The following KCNQ2 variants were observed in gnomAD, a reference collection of about 807,000 sequenced individuals.
KCNQ2 encodes the protein potassium voltage-gated channel subfamily Q member 2.
In KCNQ2, 14 loss-of-function variants were observed where a neutral mutation model predicts 84.8. The ratio of observed to expected loss-of-function variants is 0.17; its 90% CI spans 0.11 to 0.26. The LOEUF (loss-of-function observed/expected upper bound fraction) is 0.26. Among genes scored for constraint, KCNQ2 ranks in the 10% least tolerant of loss-of-function variants. KCNQ2 has a pLI of 1.00. For missense variants in KCNQ2, 788 were observed against 1,254.0 expected (o/e 0.63, Z 5.61); for synonymous variants, 599 against 554.1 (o/e 1.08, Z -1.14).
Position 63,408,584 on chromosome 20 carries a change from G to A in KCNQ2, c.1764-48C>T, listed in dbSNP as rs1172687713. ...AGCATGAGTTCGGGTGGGTGCAGCA[G>A]GGCCCCTGCCCTCTCCTCCTGGACC... On this transcript the variant is annotated intron_variant, in intron 15 of 16. Coordinates refer to ENST00000359125, the MANE Select transcript of KCNQ2 (RefSeq NM_172107.4). The surrounding 1 kb of genome is among the most constrained non-coding windows in gnomAD (Gnocchi z 5.0). 1 of 1,601,180 alleles carries A rather than the reference G, an allele frequency of 6.2e-7. No homozygotes were observed. The highest frequency in any genetic ancestry group is 8.5e-7 in the Non-Finnish European group (1 of 1,176,100).
chr20:63,438,389 G>C lies in KCNQ2; in HGVS notation c.1023+236C>G. The C allele has an allele frequency of 5.0e-6, 3 of 600,534 alleles. No homozygotes were observed. Among genetic ancestry groups the C allele is most frequent in the Non-Finnish European group, 9.0e-6 (3 of 332,526 alleles). The allele number at this position is 600,534 out of a possible 1,614,324, so 37.2% of individuals were successfully genotyped here. On this transcript the variant is annotated intron_variant, in intron 7 of 16. Transcript: ENST00000359125. This position sits in a 1 kb window ranked among gnomAD's most constrained non-coding sequence, Gnocchi z 5.1. ...TGGCCGGGCCCCAGCACCCACACAA[G>C]GCAAGGGCCACCCCAGCGTCCTCAC... is the stretch of plus-strand genomic sequence containing the variant.
At chr20:63,439,535 G>C (rs1682427416) in intron 6 of KCNQ2, 63 bp downstream of exon 6, 1 of 1,263,362 alleles carries the variant, frequency 7.9e-7, no homozygotes, top group South Asian at 1.2e-5. Flanking sequence ...GGGGCCTGTG[G>C]TCACCTCGGG....
intron 15 of KCNQ2, among the ~76,000 whole-genome samples, chr20:63,409,321 A>ATG (rs916784705): frequency 1.3e-5 from 2 of 152,214 alleles, no homozygotes; most frequent in African/African-American, 4.8e-5. Context: ...GCGTGTGTGC[A>ATG]TGTGTGTGTG....
intron 1 of KCNQ2, among the ~76,000 whole-genome samples, chr20:63,454,512 C>T (rs1447762684): frequency 6.6e-6 from 1 of 152,188 alleles, no homozygotes; most frequent in Non-Finnish European, 1.5e-5. Flanking sequence ...GCTCCAGGCC[C>T]CAGGACAGAC....
In KCNQ2 at chr20:63,472,444, T is replaced by C; in HGVS notation, c.20A>G (p.Asn7Ser). Residue 7 changes from asparagine to serine, a missense_variant, in exon 1 of 17, where the codon AAC (asparagine) becomes AGC (serine). Asn to Ser is a conservative substitution (Grantham distance 46). Coordinates refer to ENST00000359125, the MANE Select transcript of KCNQ2 (RefSeq NM_172107.4). ...GCTCGGGCCGGGGTATACGCCGCCGTTGCGCGACTTCTGCACCATGGTGCC... is the reference window on the plus strand; with the variant it reads ...GCTCGGGCCGGGGTATACGCCGCCGCTGCGCGACTTCTGCACCATGGTGCC... MVQKSR[N>S]GGVYPGPSGE... The C allele has an allele frequency of 6.5e-7, 1 of 1,532,356 alleles. No individual in the cohort carries two copies. The allele number at this position is 1,532,356 out of a possible 1,614,324, so 94.9% of individuals were successfully genotyped here.
rs980574000 is a variant in KCNQ2 at position 63,407,098 on chromosome 20, C to T, written c.2165G>A (p.Ser722Asn). 2 of 1,538,800 alleles carry T rather than the reference C, an allele frequency of 1.3e-6. No homozygotes were observed. The highest frequency in any genetic ancestry group is 1.7e-6 in the Non-Finnish European group (2 of 1,144,564). The change falls in exon 17 of 17, where the codon AGC becomes AAC. Residue 722 changes from serine to asparagine, a missense_variant. Ser to Asn is a conservative substitution (Grantham distance 46). Coordinates refer to ENST00000359125, the MANE Select transcript of KCNQ2 (RefSeq NM_172107.4). The surrounding 1 kb of genome is among the most constrained non-coding windows in gnomAD (Gnocchi z 7.2). Reference protein sequence around the residue: ...CPPSTSWQPQSHPRQGHGTSP... With the variant: ...CPPSTSWQPQNHPRQGHGTSP... ...GGTGCCGTGGCCCTGGCGCGGGTGG[C>T]TCTGTGGCTGCCAGGAGGTGGAGGG... is the stretch of plus-strand genomic sequence containing the variant.
chr20:63,421,287 CGAGAGTGAAT>C (rs142061373), intron 11 of KCNQ2, among the ~76,000 whole-genome samples: 9,922 of 152,296 alleles, frequency 0.065, 472 homozygotes, highest in Admixed American at 0.13. Context: ...ACCTGAGACT[CGAGAGTGAAT>C]CTCTAACCGT....
In KCNQ2 at chr20:63,405,229, C is replaced by A. The variant is rs1483995093; in HGVS notation, c.*1415G>T. 6.6e-6 allele frequency: 1 copy of A among 152,270 alleles called. No homozygotes were observed. The highest frequency in any genetic ancestry group is 1.9e-4 in the East Asian group (1 of 5,192). 9.4% of individuals were successfully genotyped at this position (152,270 alleles called of 1,614,324 possible). On this transcript the variant is annotated 3_prime_UTR_variant, in exon 17 of 17. Transcript: ENST00000359125. Reference sequence around the variant, plus strand: ...GAGTATTTGCGCCCACGACCCCAGCCCTGCTCACTCCCAGGGAGGCCACTC... The same window carrying A: ...GAGTATTTGCGCCCACGACCCCAGCACTGCTCACTCCCAGGGAGGCCACTC...
intron 10 of KCNQ2, among the ~76,000 whole-genome samples, chr20:63,427,360 A>T (rs1489899942): frequency 6.6e-6 from 1 of 152,262 alleles, no homozygotes; most frequent in Non-Finnish European, 1.5e-5. Flanking sequence ...CCCTTGGCTC[A>T]CCCGGTTCTG....
intron 1 of KCNQ2, among the ~76,000 whole-genome samples, chr20:63,461,964 C>G (rs1383729480): frequency 7.1e-4 from 69 of 96,806 alleles, no homozygotes; most frequent in South Asian, 1.3e-3. Context: ...CTACCCCAGG[C>G]AGCAGGGAGG....
At position 63,408,941 on chromosome 20, in the gene KCNQ2, C is replaced by T. The variant is rs2080030171; in HGVS notation, c.1764-405G>A. Among the ~76,000 whole-genome samples the T allele has an allele frequency of 6.6e-6, 1 of 152,248 alleles. No individual in the cohort carries two copies. The highest frequency in any genetic ancestry group is 1.9e-4 in the East Asian group (1 of 5,188). ...CACGGAGGGTCTCCCACTGCAGGGC[C>T]TGGAGCCCACTCCAGAGGATGCCCC... On this transcript the variant is annotated intron_variant, in intron 15 of 16. Transcript: ENST00000359125. This position sits in a 1 kb window ranked among gnomAD's most constrained non-coding sequence, Gnocchi z 5.0.
intron 8 of KCNQ2, 130 bp downstream of exon 8, chr20:63,433,679 C>T (rs1349839259): frequency 1.9e-6 from 3 of 1,554,534 alleles, no homozygotes; most frequent in East Asian, 4.5e-5. Flanking sequence ...ACACAGAACT[C>T]CTTTGTGAAA....
In KCNQ2 at chr20:63,400,496, G is replaced by C. The variant is rs2079786930; in HGVS notation, c.*6148C>G. Reference sequence around the variant, plus strand: ...CACAAAGTTGAGATTGAAGTGTGCGGGGTAACACATCCACCAAAAAAAGGC... The same window carrying C: ...CACAAAGTTGAGATTGAAGTGTGCGCGGTAACACATCCACCAAAAAAAGGC... On this transcript the variant is annotated 3_prime_UTR_variant, in exon 17 of 17. Transcript: ENST00000359125. The surrounding 1 kb of genome is among the most constrained non-coding windows in gnomAD (Gnocchi z 8.7). 1 of 397,464 alleles carries C rather than the reference G, an allele frequency of 2.5e-6. No homozygotes were observed. The highest frequency in any genetic ancestry group is 1.4e-4 in the South Asian group (1 of 7,054). 24.6% of individuals were successfully genotyped at this position (397,464 alleles called of 1,614,324 possible).
At position 63,407,019 on chromosome 20, in the gene KCNQ2, G is replaced by C. The variant is rs376327268; in HGVS notation, c.2244C>G (p.His748Gln). 4.6e-6 allele frequency: 7 copies of C among 1,527,714 alleles called. No individual in the cohort carries two copies. The highest frequency in any genetic ancestry group is 4.1e-5 in the African/African-American group (3 of 72,910). 94.6% of individuals were successfully genotyped at this position (1,527,714 alleles called of 1,614,324 possible). ...CGCCGTAGGCGGACAGCGACCGCTC[G>C]TGGGCAGGCGGCGGCGGGATGCGCA... ...SLVRIPPPPA[H>Q]ERSLSAYGGG... The change falls in exon 17 of 17, where the codon CAC (histidine) becomes CAG (glutamine). Residue 748 changes from histidine (H) to glutamine (Q), a missense_variant. His to Gln is a conservative substitution (Grantham distance 24). This residue lies in a region of KCNQ2 where 378 missense variants were observed against 434.5 expected (regional missense o/e 0.87). Transcript: ENST00000359125. The surrounding 1 kb of genome is among the most constrained non-coding windows in gnomAD (Gnocchi z 7.2).
chr20:63,420,957 CAG>C (rs887063413), intron 11 of KCNQ2, among the ~76,000 whole-genome samples: 3 of 152,240 alleles, frequency 2.0e-5, no homozygotes, highest in South Asian at 2.1e-4. Flanking sequence ...TCTGGCTGCT[CAG>C]AGTCTCTCCC....
rs2145620558 is a variant in KCNQ2 at position 63,425,118 on chromosome 20, C to T, written c.1218-912G>A. 6.6e-6 allele frequency among the ~76,000 whole-genome samples: 1 copy of T among 152,282 alleles called. No individual in the cohort carries two copies. Among genetic ancestry groups the T allele is most frequent in the South Asian group, 2.1e-4 (1 of 4,814 alleles). ...ATTCTCTGTGTCTCTGTGTCTTCTC[C>T]TCCTCTACCTCTGTAAGGACAGCTG... is the stretch of plus-strand genomic sequence containing the variant. On this transcript the variant is annotated intron_variant, in intron 10 of 16. Transcript: ENST00000359125. The surrounding 1 kb of genome is among the most constrained non-coding windows in gnomAD (Gnocchi z 5.5).
intron 10 of KCNQ2, among the ~76,000 whole-genome samples, chr20:63,426,992 G>A (rs377438368): frequency 2.6e-5 from 4 of 152,332 alleles, no homozygotes; most frequent in South Asian, 2.1e-4. Context: ...AGGCCGAGAC[G>A]GGCAGAGCCC....
intron 1 of KCNQ2, among the ~76,000 whole-genome samples, chr20:63,468,994 C>T (rs1372533487): frequency 6.6e-6 from 1 of 152,256 alleles, no homozygotes; most frequent in African/African-American, 2.4e-5. Context: ...TAACTGAGGT[C>T]CGCACCCAGC....
intron 1 of KCNQ2, among the ~76,000 whole-genome samples, chr20:63,463,420 G>A (rs543498171): frequency 4.6e-5 from 7 of 152,172 alleles, no homozygotes; most frequent in South Asian, 2.1e-4. Context: ...AAGCCCAGCC[G>A]GCCGAGTGCT....
Sources: allele counts gnomAD v4.1 joint callset (sites outside exome capture counted in the v4.1 genomes callset), GRCh38; gene constraint gnomAD v4.1.1; regional missense constraint gnomAD v4.1.1; non-coding constraint Gnocchi (gnomAD v3.1); transcripts MANE v1.5; gene names NCBI Gene and HGNC (gene_info 2026-07-23, HGNC 2026-07-21).